Variants in SH2D4B observed in about 807,000 individuals in gnomAD.
The protein encoded by SH2D4B is SH2 domain-containing protein 4B.
A neutral mutation model predicts 61.5 loss-of-function variants in SH2D4B; 45 were observed. The observed-to-expected ratio is 0.73, with a 90% CI of 0.58 to 0.94. The LOEUF is 0.94. SH2D4B is among the 40% of genes least tolerant of loss of function. The pLI, the probability that SH2D4B is intolerant of heterozygous loss-of-function variation, is 0.00. For missense variants in SH2D4B, 572 were observed against 574.2 expected (o/e 1.00, Z 0.04); for synonymous variants, 224 against 220.4 (o/e 1.02, Z -0.14).
intron 3 of SH2D4B, among the ~76,000 whole-genome samples, chr10:80,572,986 A>ATATATATAT (rs1564772012): frequency 1.1e-4 from 1 of 8,876 alleles, no homozygotes; most frequent in Non-Finnish European, 2.0e-4. Flanking sequence ...ATATATATAT[A>ATATATATAT]TTTTTTTTTT....
At chr10:80,621,777 C>G (rs1842719326) in intron 6 of SH2D4B, among the ~76,000 whole-genome samples, 1 of 152,210 alleles carries the variant, frequency 6.6e-6, no homozygotes, top group African/African-American at 2.4e-5. Context: ...TCTGAGGGTC[C>G]CCTTCCCTGC....
Position 80,609,441 on chromosome 10 carries a change from C to T in SH2D4B, c.878C>T (p.Pro293Leu), listed in dbSNP as rs112089423. ...ALPVSRTWER[P>L]LRPVSRDVIV... Reference sequence around the variant, plus strand: ...CTCTTCAGCAGGACCTGGGAGCGCCCGCTGCGCCCAGTCTCCAGAGATGTC... The same window carrying T: ...CTCTTCAGCAGGACCTGGGAGCGCCTGCTGCGCCCAGTCTCCAGAGATGTC... Residue 293 changes from proline to leucine, a missense_variant, in exon 6 of 8, where the codon CCG becomes CTG. Pro to Leu is a moderately conservative substitution (Grantham distance 98). Transcript: ENST00000646907. 39 of 1,613,958 alleles carry T rather than the reference C, an allele frequency of 2.4e-5. No homozygotes were observed. The East Asian group carries it at 2.5e-4, about 10-fold the overall frequency.
chr10:80,626,161 T>C (rs1339820414), intron 6 of SH2D4B, among the ~76,000 whole-genome samples: 1 of 152,248 alleles, frequency 6.6e-6, no homozygotes, highest in South Asian at 2.1e-4. Context: ...TAATTTTTTT[T>C]TTTCTTCCTG....
intron 7 of SH2D4B, among the ~76,000 whole-genome samples, chr10:80,640,149 A>G (rs1277417353): frequency 3.3e-5 from 5 of 152,238 alleles, no homozygotes; most frequent in African/African-American, 1.2e-4. Context: ...GTTTCTGCCT[A>G]GAGATCAGCT....
At chr10:80,552,434 C>T (rs909087449) in intron 1 of SH2D4B, among the ~76,000 whole-genome samples, 1 of 152,248 alleles carries the variant, frequency 6.6e-6, no homozygotes, top group South Asian at 2.1e-4. Context: ...CTTCCTGTCT[C>T]TCCCCTGGGA....
rs553265919 is a variant in SH2D4B at position 80,629,858 on chromosome 10, G to T, written c.989-4427G>T. Among the ~76,000 whole-genome samples the T allele has an allele frequency of 5.3e-5, 8 of 152,260 alleles. No individual in the cohort carries two copies. In the South Asian group the frequency reaches 1.5e-3, roughly 28 times the overall value. ...GAGGTTGAAGTCACCTGCTCTCAAG[G>T]CTACCCATGGAACAAGTCCCGGGTT... On this transcript the variant is annotated intron_variant, in intron 6 of 7. Coordinates refer to ENST00000646907, the MANE Select transcript of SH2D4B (RefSeq NM_001388272.1).
chr10:80,567,240 C>T (rs766327523), intron 1 of SH2D4B, among the ~76,000 whole-genome samples: 17 of 152,182 alleles, frequency 1.1e-4, no homozygotes, highest in African/African-American at 3.9e-4. Context: ...CCTGACATTC[C>T]GTGGACTAGA....
intron 1 of SH2D4B, among the ~76,000 whole-genome samples, chr10:80,569,776 C>T (rs972452802): frequency 2.6e-5 from 4 of 152,140 alleles, no homozygotes; most frequent in Non-Finnish European, 5.9e-5. Flanking sequence ...ATTGTTAGCT[C>T]GGCCTATGTG....
Position 80,538,611 on chromosome 10 carries a change from C to A in SH2D4B, c.184+96C>A. On this transcript the variant is annotated intron_variant, in intron 1 of 7. Transcript: ENST00000646907. The surrounding 1 kb of genome is among the most constrained non-coding windows in gnomAD (Gnocchi z 4.8). ...GCTGTGCCCTTCTTCAAGATGGGCA[C>A]TGGGGTGATGAGGGCTGGGGGCTTG... 9.4e-7 allele frequency: 1 copy of A among 1,064,030 alleles called. No homozygotes were observed. The highest frequency in any genetic ancestry group is 1.2e-6 in the Non-Finnish European group (1 of 806,194). 65.9% of individuals were successfully genotyped at this position (1,064,030 alleles called of 1,614,324 possible).
intron 1 of SH2D4B, among the ~76,000 whole-genome samples, chr10:80,567,092 A>G (rs1482721589): frequency 6.6e-6 from 1 of 152,120 alleles, no homozygotes; most frequent in African/African-American, 2.4e-5. Flanking sequence ...TTGCTTTCGA[A>G]TATTGGATCA....
At chr10:80,541,674 C>CA (rs34273444) in intron 1 of SH2D4B, among the ~76,000 whole-genome samples, 5,521 of 152,300 alleles carry the variant, frequency 0.036, 336 homozygotes, top group African/African-American at 0.13. Flanking sequence ...CATGTCCCTA[C>CA]AGACAGGCAG....
intron 1 of SH2D4B, among the ~76,000 whole-genome samples, chr10:80,565,227 A>G (rs578016389): frequency 6.6e-6 from 1 of 152,304 alleles, no homozygotes; most frequent in South Asian, 2.1e-4. Context: ...AGAACAACAG[A>G]GTCCTTCTCA....
At chr10:80,629,393 A>G (rs1237278671) in intron 6 of SH2D4B, among the ~76,000 whole-genome samples, 1 of 152,240 alleles carries the variant, frequency 6.6e-6, no homozygotes, top group African/African-American at 2.4e-5. Context: ...AACACTGCAG[A>G]TGATAATTCA....
At chr10:80,634,819 C>T (rs1457223691) in intron 7 of SH2D4B, among the ~76,000 whole-genome samples, 1 of 152,186 alleles carries the variant, frequency 6.6e-6, no homozygotes, top group Non-Finnish European at 1.5e-5. Flanking sequence ...TCCCTTTCTC[C>T]AAGCCTGGGT....
intron 4 of SH2D4B, among the ~76,000 whole-genome samples, chr10:80,601,294 G>A (rs1357033698): frequency 6.6e-6 from 1 of 152,204 alleles, no homozygotes; most frequent in African/African-American, 2.4e-5. Context: ...CCAGCAGAAT[G>A]CGAGGCTGCT....
chr10:80,588,781 A>G lies in SH2D4B; in HGVS notation c.643+4A>G. 4 of 1,613,824 alleles carry G rather than the reference A, an allele frequency of 2.5e-6. No individual in the cohort carries two copies. The highest frequency in any genetic ancestry group is 3.4e-6 in the Non-Finnish European group (4 of 1,179,986). The stretch of plus-strand genomic sequence containing the variant: ...GAGCGAGAGTGGGAAGAACAGTGTG[A>G]GTAGAGCTTGTGCCTCAGGCAGGGA... On this transcript the variant is annotated splice_donor_region_variant and intron_variant, in intron 4 of 7. Coordinates refer to ENST00000646907, the MANE Select transcript of SH2D4B (RefSeq NM_001388272.1).
At chr10:80,579,400 AG>A (rs1564773730) in intron 3 of SH2D4B, among the ~76,000 whole-genome samples, 1 of 152,196 alleles carries the variant, frequency 6.6e-6, no homozygotes, top group Non-Finnish European at 1.5e-5. Context: ...GTGTTCCTTT[AG>A]AAAAAAGGAG....
chr10:80,571,283 G>GT, intron 2 of SH2D4B, 148 bp from the exon 3 acceptor site: 1 of 824,596 alleles, frequency 1.2e-6, no homozygotes, highest in Non-Finnish European at 1.9e-6. Flanking sequence ...ACTCCCATGC[G>GT]TGAGAATGCC....
intron 3 of SH2D4B, among the ~76,000 whole-genome samples, chr10:80,581,120 C>A (rs1015585038): frequency 2.0e-5 from 3 of 152,224 alleles, no homozygotes; most frequent in Non-Finnish European, 4.4e-5. Flanking sequence ...CAGTAAATGG[C>A]CAGTCATTTT....
Sources: gnomAD v4.1 joint callset for allele counts (sites outside exome capture counted in the v4.1 genomes callset) on GRCh38, gnomAD v4.1.1 for gene constraint, Gnocchi (gnomAD v3.1) non-coding constraint, MANE v1.5 for transcripts, NCBI Gene and HGNC (gene_info 2026-07-23, HGNC 2026-07-21) for gene names.